PTN: variants seen among roughly 807,000 people sequenced by gnomAD.
PTN encodes pleiotrophin.
A neutral mutation model predicts 24.1 loss-of-function variants in PTN; 18 were observed. The ratio of observed to expected loss-of-function variants is 0.75; its 90% confidence interval spans 0.52 to 1.11. The LOEUF is 1.11. Among genes scored for constraint, PTN ranks in the 50% least tolerant of loss-of-function variants. The pLI is 0.00. For synonymous variants in PTN, 78 were observed against 68.6 expected (o/e 1.14, Z -0.67); for missense variants, 163 against 198.8 (o/e 0.82, Z 1.08).
At chr7:137,324,433 A>AAAAAAAAAAAAAATATATATATATATAT in intron 1 of PTN, among the ~76,000 whole-genome samples, 3 of 88,762 alleles carry the variant, frequency 3.4e-5, no homozygotes, top group African/African-American at 2.1e-4. Flanking sequence ...AAAAAAAAAA[A>AAAAAAAAAAAAAATATATATATATATAT]ATATATATAT....
rs186821356 is a variant in PTN, at chr7:137,332,915, C to A, written c.-2+10524G>T. ...GCCATATTCACATCAAATAAGAAAGCCATTATGAAAACACTGTTCTAAAGT... is the reference window on the plus strand; with the variant it reads ...GCCATATTCACATCAAATAAGAAAGACATTATGAAAACACTGTTCTAAAGT... On this transcript the variant is annotated intron_variant, in intron 1 of 4. Coordinates refer to ENST00000348225, the MANE Select transcript of PTN (RefSeq NM_002825.7). Among the ~76,000 whole-genome samples, 231 of 152,236 alleles carry A rather than the reference C, an allele frequency of 1.5e-3. 3 individuals are homozygous for A. In the Middle Eastern group the frequency reaches 0.017, roughly 11 times the overall value.
At position 137,260,929 on chromosome 7, in the gene PTN, A is replaced by T. The variant is rs181471100; in HGVS notation, c.-1-5955T>A. Among the ~76,000 whole-genome samples the T allele has an allele frequency of 2.3e-3, 345 of 152,296 alleles. 1 individual carries two copies. Among genetic ancestry groups the T allele is most frequent in the Non-Finnish European group, 2.4e-3 (162 of 68,014 alleles). On this transcript the variant is annotated intron_variant, in intron 1 of 4. Transcript: ENST00000348225. ...ATACAATACTTAACATAATTCCATAAAGAAATGTTTTCCTTCATCTAATAT... is the reference window on the plus strand; with the variant it reads ...ATACAATACTTAACATAATTCCATATAGAAATGTTTTCCTTCATCTAATAT...
chr7:137,308,541 T>A (rs918267250), intron 1 of PTN, among the ~76,000 whole-genome samples: 5 of 152,188 alleles, frequency 3.3e-5, no homozygotes, highest in African/African-American at 1.2e-4. Flanking sequence ...GCCAGGCTGC[T>A]ATTGGGTGTT....
chr7:137,228,843 G>C (rs1808380114), intron 4 of PTN, among the ~76,000 whole-genome samples: 1 of 151,794 alleles, frequency 6.6e-6, no homozygotes, highest in African/African-American at 2.4e-5. Context: ...TGGCTCCAAA[G>C]ACAAAAATGG....
intron 4 of PTN, among the ~76,000 whole-genome samples, chr7:137,245,442 C>A (rs1357625200): frequency 6.6e-6 from 1 of 152,032 alleles, no homozygotes; most frequent in Non-Finnish European, 1.5e-5. Flanking sequence ...TGTGGTGATG[C>A]GGATGTAAAT....
At chr7:137,285,873 C>T (rs991186101) in intron 1 of PTN, among the ~76,000 whole-genome samples, 4 of 152,220 alleles carry the variant, frequency 2.6e-5, no homozygotes, top group Non-Finnish European at 5.9e-5. Flanking sequence ...TTTTAAAAGA[C>T]TGACCAGCCA....
intron 1 of PTN, among the ~76,000 whole-genome samples, chr7:137,342,297 G>A (rs766332771): frequency 4.6e-5 from 7 of 151,750 alleles, no homozygotes; most frequent in Non-Finnish European, 8.8e-5. Flanking sequence ...ACACACACAC[G>A]CACATGCACA....
rs561845420 is a variant in PTN at position 137,257,691 on chromosome 7, A to G, written c.-1-2717T>C. Among the ~76,000 whole-genome samples, 8 of 152,328 alleles carry G rather than the reference A, an allele frequency of 5.3e-5. No homozygotes were observed. The South Asian group carries it at 1.0e-3, about 20-fold the overall frequency. ...TTTGATTCAGAACTTTTAAATTACAATATATTTCTTTCCAAGTTAAAATTT... is the reference window on the plus strand; with the variant it reads ...TTTGATTCAGAACTTTTAAATTACAGTATATTTCTTTCCAAGTTAAAATTT... On this transcript the variant is annotated intron_variant, in intron 1 of 4. Coordinates refer to ENST00000348225, the MANE Select transcript of PTN (RefSeq NM_002825.7).
intron 1 of PTN, among the ~76,000 whole-genome samples, chr7:137,313,264 A>G (rs774167857): frequency 2.6e-5 from 4 of 152,116 alleles, no homozygotes; most frequent in Non-Finnish European, 5.9e-5. Context: ...CAAAAAGCAG[A>G]AAACAAAATT....
chr7:137,285,937 C>G (rs1809546807), intron 1 of PTN, among the ~76,000 whole-genome samples: 2 of 152,158 alleles, frequency 1.3e-5, no homozygotes, highest in Non-Finnish European at 2.9e-5. Context: ...CAATCACTAT[C>G]TTTTGAATTT....
chr7:137,266,679 G>A (rs1047909369), intron 1 of PTN, among the ~76,000 whole-genome samples: 7 of 140,492 alleles, frequency 5.0e-5, no homozygotes, highest in African/African-American at 1.3e-4. Context: ...TTTTTAAAGC[G>A]AACTTTCTTT....
At chr7:137,312,253 T>G (rs1232677514) in intron 1 of PTN, among the ~76,000 whole-genome samples, 4 of 152,226 alleles carry the variant, frequency 2.6e-5, no homozygotes, top group Non-Finnish European at 4.4e-5. Flanking sequence ...GAATATAAAT[T>G]AGACTGTGCA....
At chr7:137,259,172 G>A (rs529504794) in intron 1 of PTN, among the ~76,000 whole-genome samples, 86 of 152,192 alleles carry the variant, frequency 5.7e-4, no homozygotes, top group African/African-American at 2.0e-3. Context: ...AGGAGAATGT[G>A]TTTATCTATT....
chr7:137,244,474 G>T lies in PTN; in HGVS notation c.451+6756C>A, dbSNP rs191711797. ...TATACGTGTGCCATGTTGGTGTGCT[G>T]CACCCATTAACTTGTCATTTACATT... On this transcript the variant is annotated intron_variant, in intron 4 of 4. Coordinates refer to ENST00000348225, the MANE Select transcript of PTN (RefSeq NM_002825.7). 2.0e-5 allele frequency among the ~76,000 whole-genome samples: 3 copies of T among 149,460 alleles called. No individual in the cohort carries two copies. In the East Asian group the frequency reaches 5.9e-4, roughly 30 times the overall value.
chr7:137,293,232 G>T (rs548411939), intron 1 of PTN, among the ~76,000 whole-genome samples: 1 of 152,222 alleles, frequency 6.6e-6, no homozygotes, highest in Admixed American at 6.5e-5. Context: ...GTGAAGTTGA[G>T]AGATGAAAGA....
intron 1 of PTN, among the ~76,000 whole-genome samples, chr7:137,292,609 G>A (rs1450563649): frequency 6.6e-6 from 1 of 152,126 alleles, no homozygotes; most frequent in Non-Finnish European, 1.5e-5. Context: ...CCCAGTCTCA[G>A]GTAAGTCTTT....
chr7:137,286,512 T>C (rs982578850), intron 1 of PTN, among the ~76,000 whole-genome samples: 3 of 152,206 alleles, frequency 2.0e-5, no homozygotes, highest in African/African-American at 7.2e-5. Context: ...AAGAACATCA[T>C]ATCCAACTTA....
chr7:137,312,812 T>C (rs1463454060), intron 1 of PTN, among the ~76,000 whole-genome samples: 6 of 152,198 alleles, frequency 3.9e-5, no homozygotes, highest in East Asian at 1.9e-4. Flanking sequence ...ACATATATAT[T>C]GGGTAGTGAA....
At chr7:137,314,652 T>C (rs1166884002) in intron 1 of PTN, among the ~76,000 whole-genome samples, 2 of 99,464 alleles carry the variant, frequency 2.0e-5, no homozygotes, top group African/African-American at 7.8e-5. Flanking sequence ...AAATCCAGCA[T>C]GGTGTGATCT....
Sources: allele counts gnomAD v4.1 joint callset (sites outside exome capture counted in the v4.1 genomes callset), GRCh38; gene constraint gnomAD v4.1.1; transcripts MANE v1.5; gene names NCBI Gene and HGNC (gene_info 2026-07-23, HGNC 2026-07-21).